The following GPATCH2 variants were observed in gnomAD, a reference collection of about 807,000 sequenced individuals.
GPATCH2 encodes the protein G patch domain-containing protein 2.
A neutral mutation model predicts 58.0 loss-of-function variants in GPATCH2; 51 were observed. That is an observed-to-expected ratio of 0.88 (90% CI 0.70 to 1.11). The LOEUF (loss-of-function observed/expected upper bound fraction) is 1.11. Ranked by LOEUF, GPATCH2 falls within the 50% of genes most tolerant of loss-of-function variation. The pLI, the probability that GPATCH2 is intolerant of heterozygous loss-of-function variation, is 0.00. For synonymous variants in GPATCH2, 222 were observed against 218.5 expected (o/e 1.02, Z -0.14); for missense variants, 625 against 652.2 (o/e 0.96, Z 0.45).
Position 217,518,311 on chromosome 1 carries a change from A to C in GPATCH2, c.1099-3422T>G, listed in dbSNP as rs138244565. 6.7e-3 allele frequency among the ~76,000 whole-genome samples: 1,016 copies of C among 152,292 alleles called. 7 individuals carry two copies. The highest frequency in any genetic ancestry group is 0.023 in the African/African-American group (951 of 41,576). On this transcript the variant is annotated intron_variant, in intron 5 of 9. Coordinates refer to ENST00000366935, the MANE Select transcript of GPATCH2 (RefSeq NM_018040.5). ...AATAGTTGTACAAGTACCACTATCG[A>C]TTCAGGAGGTCAATATGTACCAATA... is the stretch of plus-strand genomic sequence containing the variant.
chr1:217,541,509 G>A (rs941936597), intron 5 of GPATCH2, among the ~76,000 whole-genome samples: 11 of 151,986 alleles, frequency 7.2e-5, no homozygotes, highest in Non-Finnish European at 1.0e-4. Context: ...AGTCACTAGG[G>A]GTCTGACAAG....
At chr1:217,485,668 G>A (rs930609848) in intron 8 of GPATCH2, among the ~76,000 whole-genome samples, 4 of 152,026 alleles carry the variant, frequency 2.6e-5, no homozygotes, top group Admixed American at 2.0e-4. Flanking sequence ...TTAATGACAA[G>A]GATACAAACC....
chr1:217,455,714 AGGTCCCACCCTCAAGCCTGGAAACCTAT>A (rs1659909557), intron 8 of GPATCH2, among the ~76,000 whole-genome samples: 1 of 152,060 alleles, frequency 6.6e-6, no homozygotes, highest in Non-Finnish European at 1.5e-5. Context: ...ACCCCAGCAA[AGGTCCCACCCTCAAGCCTGGAAACCTAT>A]GGTCCTAAAT....
chr1:217,523,171 T>A (rs1446957276), intron 5 of GPATCH2, among the ~76,000 whole-genome samples: 1 of 151,638 alleles, frequency 6.6e-6, no homozygotes, highest in East Asian at 1.9e-4. Flanking sequence ...AATTTCAGTT[T>A]TTTATTTTAT....
chr1:217,600,446 C>T (rs1316657154), intron 5 of GPATCH2, among the ~76,000 whole-genome samples: 3 of 152,096 alleles, frequency 2.0e-5, no homozygotes, highest in Non-Finnish European at 4.4e-5. Context: ...AGGTGACTTC[C>T]GTATAGAAAG....
chr1:217,592,909 A>G (rs1667659423), intron 5 of GPATCH2, among the ~76,000 whole-genome samples: 1 of 151,974 alleles, frequency 6.6e-6, no homozygotes, highest in African/African-American at 2.4e-5. Context: ...ATGATAGTAC[A>G]ACCCCAAGTA....
At chr1:217,567,849 G>C (rs1666324885) in intron 5 of GPATCH2, among the ~76,000 whole-genome samples, 1 of 152,190 alleles carries the variant, frequency 6.6e-6, no homozygotes. Context: ...AGGCGTGGTG[G>C]CTCACGCCTG....
intron 5 of GPATCH2, among the ~76,000 whole-genome samples, chr1:217,540,901 T>C (rs1571886679): frequency 6.6e-6 from 1 of 152,330 alleles, no homozygotes; most frequent in Middle Eastern, 3.4e-3. Flanking sequence ...ACACTGAGGC[T>C]GAAATACGGC....
chr1:217,582,316 A>G (rs1192649722), intron 5 of GPATCH2, among the ~76,000 whole-genome samples: 1 of 152,106 alleles, frequency 6.6e-6, no homozygotes, highest in African/African-American at 2.4e-5. Flanking sequence ...ATTATTATAA[A>G]TAATAACTTA....
chr1:217,477,153 G>T (rs1165388751), intron 8 of GPATCH2, among the ~76,000 whole-genome samples: 1 of 152,144 alleles, frequency 6.6e-6, no homozygotes, highest in Non-Finnish European at 1.5e-5. Context: ...CCACTGCCTT[G>T]AAGGGAAGGA....
intron 5 of GPATCH2, among the ~76,000 whole-genome samples, chr1:217,607,384 T>C (rs1668411545): frequency 6.6e-6 from 1 of 152,102 alleles, no homozygotes; most frequent in Non-Finnish European, 1.5e-5. Flanking sequence ...ATTGTTGTGC[T>C]TTTTGTGGGT....
chr1:217,435,400 T>C (rs1465662867), intron 9 of GPATCH2, among the ~76,000 whole-genome samples: 1 of 152,228 alleles, frequency 6.6e-6, no homozygotes, highest in Non-Finnish European at 1.5e-5. Flanking sequence ...GAAAATCTTG[T>C]ATCGGCCTCT....
chr1:217,595,633 G>A (rs979827086), intron 5 of GPATCH2, among the ~76,000 whole-genome samples: 1 of 151,906 alleles, frequency 6.6e-6, no homozygotes, highest in African/African-American at 2.4e-5. Flanking sequence ...CCGAGTAGCT[G>A]GGATTACAGG....
intron 5 of GPATCH2, among the ~76,000 whole-genome samples, chr1:217,532,710 T>G (rs1664252676): frequency 6.6e-6 from 1 of 151,966 alleles, no homozygotes; most frequent in Non-Finnish European, 1.5e-5. Context: ...TGAAACATTC[T>G]TAGACAAAGG....
chr1:217,621,987 G>A (rs1316115252), intron 1 of GPATCH2, among the ~76,000 whole-genome samples: 2 of 152,184 alleles, frequency 1.3e-5, no homozygotes, highest in African/African-American at 2.4e-5. Flanking sequence ...ACAATGTGAT[G>A]CGTCTAAGTA....
At chr1:217,541,649 C>T (rs1011541990) in intron 5 of GPATCH2, among the ~76,000 whole-genome samples, 2 of 152,082 alleles carry the variant, frequency 1.3e-5, no homozygotes, top group Admixed American at 1.3e-4. Flanking sequence ...AATTAAGCTT[C>T]TATATTCTGT....
chr1:217,452,107 G>A (rs140659710), intron 8 of GPATCH2, among the ~76,000 whole-genome samples: 94 of 152,284 alleles, frequency 6.2e-4, no homozygotes, highest in African/African-American at 2.2e-3. Flanking sequence ...CAGCGATGTG[G>A]AGTCATTAAA....
At chr1:217,558,035 T>C (rs1420472120) in intron 5 of GPATCH2, among the ~76,000 whole-genome samples, 1 of 152,200 alleles carries the variant, frequency 6.6e-6, no homozygotes, top group Admixed American at 6.5e-5. Context: ...AGCATTTTCA[T>C]GTAATTTCAT....
At position 217,616,976 on chromosome 1, in the gene GPATCH2, T is replaced by C. The variant is rs1668915819; in HGVS notation, c.774-2774A>G. Among the ~76,000 whole-genome samples, 3 of 152,080 alleles carry C rather than the reference T, an allele frequency of 2.0e-5. No homozygotes were observed. The South Asian group carries it at 6.2e-4, about 32-fold the overall frequency. On this transcript the variant is annotated intron_variant, in intron 2 of 9. Transcript: ENST00000366935. ...ATACTTAGTTCTCTCTGCTATCATATCGTAATTCACTTCCCACTTAAGCAT... is the reference window on the plus strand; with the variant it reads ...ATACTTAGTTCTCTCTGCTATCATACCGTAATTCACTTCCCACTTAAGCAT...
Sources: gnomAD v4.1 joint callset for allele counts (sites outside exome capture counted in the v4.1 genomes callset) on GRCh38, gnomAD v4.1.1 for gene constraint, MANE v1.5 for transcripts, NCBI Gene and HGNC (gene_info 2026-07-23, HGNC 2026-07-21) for gene names.